CPSF3: variants seen among roughly 807,000 people sequenced by gnomAD.
CPSF3 encodes cleavage and polyadenylation specific factor 3.
A neutral mutation model predicts 84.1 loss-of-function variants in CPSF3; 57 were observed. The ratio of observed to expected loss-of-function variants is 0.68; its 90% CI spans 0.55 to 0.85. CPSF3 has a LOEUF of 0.85. CPSF3 is among the 40% of genes least tolerant of loss of function. The probability of loss-of-function intolerance (pLI) is 0.00; values close to 1 mark genes in which losing one functional copy is unlikely to be tolerated. For missense variants in CPSF3, 522 were observed against 838.8 expected (o/e 0.62, Z 4.66); for synonymous variants, 275 against 278.1 (o/e 0.99, Z 0.11).
At chr2:9,460,379 A>G (rs528303075) in intron 15 of CPSF3, among the ~76,000 whole-genome samples, 31 of 152,306 alleles carry the variant, frequency 2.0e-4, no homozygotes, top group African/African-American at 6.7e-4. Context: ...CAGTGAGCCG[A>G]GATCACGCCA....
chr2:9,432,456 G>C (rs1370643985), intron 4 of CPSF3, 55 bp from the exon 5 acceptor site: 25 of 1,296,736 alleles, frequency 1.9e-5, no homozygotes, highest in Middle Eastern at 4.0e-4. Context: ...GTGTTCAAAG[G>C]CTTTTTAAAA....
In CPSF3 at chr2:9,448,113, T is replaced by C. The variant is rs1681187531; in HGVS notation, c.1243-85T>C. ...ATGTCTCTATTTCATATATTAAATA[T>C]ATTTCATATATTTAATTCAACTTAA... On this transcript the variant is annotated intron_variant, in intron 10 of 17. Coordinates refer to ENST00000238112, the MANE Select transcript of CPSF3 (RefSeq NM_016207.4). The C allele has an allele frequency of 8.8e-6, 6 of 682,348 alleles. No homozygotes were observed. The East Asian group carries it at 1.8e-4, about 20-fold the overall frequency. 42.3% of individuals were successfully genotyped at this position (682,348 alleles called of 1,614,324 possible).
chr2:9,446,426 A>G (rs1681124323), intron 10 of CPSF3, among the ~76,000 whole-genome samples: 1 of 152,014 alleles, frequency 6.6e-6, no homozygotes, highest in Non-Finnish European at 1.5e-5. Flanking sequence ...TAAAAATACA[A>G]AAAAATTAGA....
At chr2:9,426,673 A>G (rs1477068746) in intron 1 of CPSF3, among the ~76,000 whole-genome samples, 3 of 152,154 alleles carry the variant, frequency 2.0e-5, no homozygotes, top group Admixed American at 2.0e-4. Context: ...CCAGCAAGAC[A>G]AGATGAGAGC....
chr2:9,450,374 C>T (rs1049719334), intron 11 of CPSF3, among the ~76,000 whole-genome samples: 5 of 149,200 alleles, frequency 3.4e-5, no homozygotes, highest in Non-Finnish European at 7.4e-5. Flanking sequence ...AGGCTGGTCT[C>T]GAACTCCTGA....
At chr2:9,444,725 C>T (rs184048246) in intron 10 of CPSF3, among the ~76,000 whole-genome samples, 49 of 152,056 alleles carry the variant, frequency 3.2e-4, no homozygotes, top group Middle Eastern at 3.4e-3. Context: ...AGTGCAGTGG[C>T]GCCAATCTCA....
At chr2:9,466,342 G>GACCACA (rs56758438) in intron 15 of CPSF3, among the ~76,000 whole-genome samples, 111 of 89,176 alleles carry the variant, frequency 1.2e-3, no homozygotes, top group East Asian at 2.4e-3. Flanking sequence ...ACGCACACAC[G>GACCACA]CGCGCGCGCG....
chr2:9,443,969 C>T (rs1042557683), intron 10 of CPSF3, among the ~76,000 whole-genome samples: 10 of 152,000 alleles, frequency 6.6e-5, no homozygotes, highest in Non-Finnish European at 1.0e-4. Context: ...TTTGGAATGC[C>T]AGCTCCATCT....
chr2:9,461,973 G>A (rs1001615801), intron 15 of CPSF3, among the ~76,000 whole-genome samples: 3 of 151,988 alleles, frequency 2.0e-5, no homozygotes, highest in African/African-American at 7.3e-5. Context: ...TGTTGGTCGG[G>A]CTGGTCTCAA....
intron 3 of CPSF3, 127 bp from the exon 4 acceptor site, chr2:9,430,625 T>A (rs1680552848): frequency 4.9e-6 from 4 of 808,582 alleles, no homozygotes; most frequent in Non-Finnish European, 7.8e-6. Flanking sequence ...CTACTCTTGG[T>A]TTTTCTGAAA....
Position 9,441,803 on chromosome 2 carries a change from T to C in CPSF3, c.937-15T>C. The C allele has an allele frequency of 1.2e-6, 2 of 1,612,430 alleles. No individual in the cohort carries two copies. The highest frequency in any genetic ancestry group is 1.7e-6 in the Non-Finnish European group (2 of 1,179,094). ...GGTAGCTAACATACTTTTCCCATTC[T>C]GTTTTCTCTCTTAGAGCATGGATCA... On this transcript the variant is annotated splice_polypyrimidine_tract_variant and intron_variant, in intron 8 of 17. Transcript: ENST00000238112.
chr2:9,466,753 ATCATACAAT>A (rs1469351757), intron 15 of CPSF3, among the ~76,000 whole-genome samples: 3 of 152,204 alleles, frequency 2.0e-5, no homozygotes, highest in African/African-American at 7.2e-5. Flanking sequence ...GATAAATGGA[ATCATACAAT>A]ATATAGCCTT....
intron 7 of CPSF3, 45 bp downstream of exon 7, chr2:9,436,406 A>C (rs1172831214): frequency 6.4e-7 from 1 of 1,559,776 alleles, no homozygotes; most frequent in South Asian, 1.2e-5. Context: ...AAATCTTGTC[A>C]TTTTATCAAG....
chr2:9,453,047 C>T, intron 12 of CPSF3, 26 bp downstream of exon 12: 1 of 1,378,250 alleles, frequency 7.3e-7, no homozygotes, highest in East Asian at 2.3e-5. Context: ...AATGTCAAAT[C>T]CAACTTCACC....
chr2:9,466,246 A>G (rs1422125925), intron 15 of CPSF3, among the ~76,000 whole-genome samples: 2 of 147,028 alleles, frequency 1.4e-5, no homozygotes, highest in East Asian at 2.0e-4. Flanking sequence ...GCGCGCACGC[A>G]CGCGCACACA....
At chr2:9,451,668 A>G (rs1681332285) in intron 11 of CPSF3, among the ~76,000 whole-genome samples, 1 of 151,804 alleles carries the variant, frequency 6.6e-6, no homozygotes, top group South Asian at 2.1e-4. Context: ...ACTGCATTCC[A>G]GCCTGGGTGA....
chr2:9,458,104 C>T (rs974451935), intron 14 of CPSF3, among the ~76,000 whole-genome samples: 1 of 152,104 alleles, frequency 6.6e-6, no homozygotes, highest in African/African-American at 2.4e-5. Context: ...AGGCTAAAAG[C>T]AACTAAAGAA....
chr2:9,443,746 G>C, intron 10 of CPSF3, 85 bp downstream of exon 10: 1 of 1,467,988 alleles, frequency 6.8e-7, no homozygotes, highest in Non-Finnish European at 9.4e-7. Context: ...TCACAAAGCA[G>C]GCATCATCAC....
At chr2:9,444,373 G>A (rs568653995) in intron 10 of CPSF3, among the ~76,000 whole-genome samples, 32 of 151,648 alleles carry the variant, frequency 2.1e-4, no homozygotes, top group Middle Eastern at 6.8e-3. Flanking sequence ...TGATACACCC[G>A]CCTCGGCCTC....
Sources: gnomAD v4.1 joint callset for allele counts (sites outside exome capture counted in the v4.1 genomes callset) on GRCh38, gnomAD v4.1.1 for gene constraint, MANE v1.5 for transcripts, NCBI Gene and HGNC (gene_info 2026-07-23, HGNC 2026-07-21) for gene names.